Variants in PKNOX2 observed in about 807,000 individuals in gnomAD.
PKNOX2 encodes the protein PBX/knotted 1 homeobox 2.
A neutral mutation model predicts 53.1 loss-of-function variants in PKNOX2; 14 were observed. The ratio of observed to expected loss-of-function variants is 0.26; its 90% CI spans 0.17 to 0.41. The LOEUF (loss-of-function observed/expected upper bound fraction) is 0.41, where lower values mean the gene tolerates loss of function less well. Ranked by LOEUF, PKNOX2 falls within the 10% of genes least tolerant of loss-of-function variation. The pLI is 1.00. For missense variants in PKNOX2, 496 were observed against 602.8 expected, an observed-to-expected ratio of 0.82 and a Z score of 1.85; for synonymous variants, 257 against 242.8, an observed-to-expected ratio of 1.06 and a Z score of -0.54.
chr11:125,370,523 T>C lies in PKNOX2; in HGVS notation c.227+2538T>C, dbSNP rs1952467376. On this transcript the variant is annotated intron_variant, in intron 5 of 12. Transcript: ENST00000298282. This position sits in a 1 kb window ranked among gnomAD's most constrained non-coding sequence, Gnocchi z 4.1. ...CGCAACCCTTGGTGTTTGCCCAAAG[T>C]ATGTCTGCAGCTGTCTGACCTGGAA... is the stretch of plus-strand genomic sequence containing the variant. 6.6e-6 allele frequency among the ~76,000 whole-genome samples: 1 copy of C among 152,216 alleles called. No individual in the cohort carries two copies. Among genetic ancestry groups the C allele is most frequent in the African/African-American group, 2.4e-5 (1 of 41,462 alleles).
At chr11:125,262,528 G>A (rs1250504100) in intron 2 of PKNOX2, among the ~76,000 whole-genome samples, 2 of 152,052 alleles carry the variant, frequency 1.3e-5, no homozygotes, top group African/African-American at 2.4e-5. Flanking sequence ...TTGAGGCATT[G>A]TGGGATGGCA....
At chr11:125,338,475 AGTCAT>A (rs1950530917) in intron 3 of PKNOX2, among the ~76,000 whole-genome samples, 1 of 152,144 alleles carries the variant, frequency 6.6e-6, no homozygotes, top group African/African-American at 2.4e-5. Flanking sequence ...GCCCTTGGGG[AGTCAT>A]CTTAGAAGAG....
chr11:125,270,002 G>A (rs1249050051), intron 2 of PKNOX2, among the ~76,000 whole-genome samples: 1 of 152,200 alleles, frequency 6.6e-6, no homozygotes, highest in Non-Finnish European at 1.5e-5. Flanking sequence ...GACAAGGAAT[G>A]AAGATGAAAA....
At chr11:125,351,740 C>T (rs1258210883) in intron 4 of PKNOX2, among the ~76,000 whole-genome samples, 2 of 152,082 alleles carry the variant, frequency 1.3e-5, no homozygotes, top group Non-Finnish European at 1.5e-5. Context: ...ACCCAGGTAC[C>T]GGATGTGAGC....
At chr11:125,401,404 T>C (rs1954741570) in intron 7 of PKNOX2, among the ~76,000 whole-genome samples, 1 of 152,238 alleles carries the variant, frequency 6.6e-6, no homozygotes, top group African/African-American at 2.4e-5. Context: ...TGCTATGTGC[T>C]GCTCCTGTTG....
chr11:125,429,468 CTA>C (rs1175590096), intron 11 of PKNOX2, among the ~76,000 whole-genome samples: 4 of 152,180 alleles, frequency 2.6e-5, no homozygotes, highest in Non-Finnish European at 5.9e-5. Context: ...TGAACTGAGA[CTA>C]AAACTAGCTG....
At chr11:125,377,530 AG>A (rs1185944339) in intron 5 of PKNOX2, among the ~76,000 whole-genome samples, 1 of 152,234 alleles carries the variant, frequency 6.6e-6, no homozygotes. Flanking sequence ...AGATGGGCAC[AG>A]GAAGGCACAG....
intron 1 of PKNOX2, among the ~76,000 whole-genome samples, chr11:125,188,814 T>C (rs1168766651): frequency 1.3e-5 from 2 of 152,044 alleles, no homozygotes; most frequent in Admixed American, 6.5e-5. Flanking sequence ...GACAGTGATA[T>C]GAGACCCAGC....
At chr11:125,389,580 C>T (rs1953900690) in intron 6 of PKNOX2, among the ~76,000 whole-genome samples, 4 of 152,198 alleles carry the variant, frequency 2.6e-5, no homozygotes, top group Admixed American at 2.0e-4. Context: ...TAAGCTGGGC[C>T]CACAGATCCC....
chr11:125,299,128 A>G (rs956652171), intron 2 of PKNOX2, among the ~76,000 whole-genome samples: 6 of 152,156 alleles, frequency 3.9e-5, no homozygotes, highest in African/African-American at 1.4e-4. Context: ...GAGCAGGAGC[A>G]AGAGAGATCA....
chr11:125,330,325 G>A (rs61917776), intron 2 of PKNOX2: 4,659 of 152,392 alleles, frequency 0.031, 138 homozygotes, highest in South Asian at 0.098. Flanking sequence ...CACAGACGAG[G>A]TCACATGGAG....
intron 5 of PKNOX2, among the ~76,000 whole-genome samples, chr11:125,379,759 C>T (rs1274381520): frequency 1.3e-5 from 2 of 152,166 alleles, no homozygotes; most frequent in African/African-American, 4.8e-5. Context: ...CTGGGCATTC[C>T]AGACCAGCAA....
At chr11:125,181,303 G>C (rs1019884091) in intron 1 of PKNOX2, among the ~76,000 whole-genome samples, 4 of 152,246 alleles carry the variant, frequency 2.6e-5, no homozygotes, top group African/African-American at 9.6e-5. Flanking sequence ...AATAGCACAA[G>C]ACAAGAATGT....
intron 1 of PKNOX2, among the ~76,000 whole-genome samples, chr11:125,194,154 T>TGTGTG (rs2135364673): frequency 6.6e-6 from 1 of 152,342 alleles, no homozygotes; most frequent in East Asian, 1.9e-4. Flanking sequence ...TGCTGAGCCC[T>TGTGTG]GTGTGGAGAG....
chr11:125,344,177 A>G (rs1342156496), intron 3 of PKNOX2, among the ~76,000 whole-genome samples: 1 of 152,190 alleles, frequency 6.6e-6, no homozygotes, highest in Non-Finnish European at 1.5e-5. Context: ...CTCTAATGTA[A>G]GCTTCTGCTC....
At chr11:125,385,785 GC>G in intron 6 of PKNOX2, 63 bp downstream of exon 6, 1 of 1,541,530 alleles carries the variant, frequency 6.5e-7, no homozygotes, top group Non-Finnish European at 8.7e-7. Flanking sequence ...CCTTCAAAAT[GC>G]CCTAGAAATG....
At position 125,254,273 on chromosome 11, in the gene PKNOX2, A is replaced by G. The variant is rs537319538; in HGVS notation, c.-130+19158A>G. ...TGGCTTCCATCTCCCTGAATCTCAG[A>G]TGGTGCACTGATGGCCATTTGCCAG... On this transcript the variant is annotated intron_variant, in intron 2 of 12. Coordinates refer to ENST00000298282, the MANE Select transcript of PKNOX2 (RefSeq NM_001382323.2). Among the ~76,000 whole-genome samples, 4 of 152,324 alleles carry G rather than the reference A, an allele frequency of 2.6e-5. No individual in the cohort carries two copies. In the South Asian group the frequency reaches 6.2e-4, roughly 24 times the overall value.
intron 3 of PKNOX2, among the ~76,000 whole-genome samples, chr11:125,344,898 G>A (rs886348899): frequency 1.3e-5 from 2 of 152,108 alleles, no homozygotes; most frequent in African/African-American, 4.8e-5. Flanking sequence ...AGTGAACAAG[G>A]ATGTGAGACC....
chr11:125,331,016 C>T (rs1212014082), intron 2 of PKNOX2, among the ~76,000 whole-genome samples: 1 of 151,694 alleles, frequency 6.6e-6, no homozygotes, highest in African/African-American at 2.4e-5. Context: ...GCCCCCTCCC[C>T]CGACCCTGCC....
Sources: gnomAD v4.1 joint callset for allele counts (sites outside exome capture counted in the v4.1 genomes callset) on GRCh38, gnomAD v4.1.1 for gene constraint, Gnocchi (gnomAD v3.1) non-coding constraint, MANE v1.5 for transcripts, NCBI Gene and HGNC (gene_info 2026-07-23, HGNC 2026-07-21) for gene names.